CABYR: variants seen among roughly 807,000 people sequenced by gnomAD.
CABYR encodes calcium-binding tyrosine phosphorylation-regulated protein.
CABYR carries 31 observed loss-of-function variants against 36.1 expected under a neutral mutation model. The observed-to-expected ratio is 0.86, with a 90% CI of 0.64 to 1.16. CABYR has a LOEUF of 1.16. CABYR is among the 50% of genes most tolerant of loss of function. The pLI is 0.00. For missense variants in CABYR, 429 were observed against 455.8 expected (o/e 0.94, Z 0.53); for synonymous variants, 146 against 160.7 (o/e 0.91, Z 0.69).
intron 4 of CABYR, among the ~76,000 whole-genome samples, chr18:24,157,652 C>A (rs1599397931): frequency 2.0e-5 from 3 of 152,208 alleles, no homozygotes; most frequent in Admixed American, 2.0e-4. Flanking sequence ...GCAATAGATG[C>A]AGTTCACGTA....
At chr18:24,155,213 A>AG in intron 3 of CABYR, among the ~76,000 whole-genome samples, 1 of 152,092 alleles carries the variant, frequency 6.6e-6, no homozygotes, top group Non-Finnish European at 1.5e-5. Context: ...TTTGATCAGG[A>AG]GCTTTTTCCA....
At chr18:24,154,412 G>C (rs1488145125) in intron 3 of CABYR, among the ~76,000 whole-genome samples, 1 of 152,214 alleles carries the variant, frequency 6.6e-6, no homozygotes, top group Non-Finnish European at 1.5e-5. Flanking sequence ...ATTGTTCTAA[G>C]CAGAGGGAGG....
intron 3 of CABYR, among the ~76,000 whole-genome samples, chr18:24,146,282 TA>T (rs1286065534): frequency 6.6e-6 from 1 of 152,096 alleles, no homozygotes; most frequent in African/African-American, 2.4e-5. Context: ...CTGCAAACTA[TA>T]AAATTATATG....
At chr18:24,157,025 C>A (rs2085809296) in intron 4 of CABYR, 2 of 1,545,016 alleles carry the variant, frequency 1.3e-6, no homozygotes, top group African/African-American at 1.4e-5. Context: ...ATTTCCATTA[C>A]AAATTGCATT....
chr18:24,139,857 A>G (rs946470092), intron 1 of CABYR: 1 of 151,878 alleles, frequency 6.6e-6, no homozygotes, highest in Admixed American at 6.6e-5. Context: ...CACCTTTGGT[A>G]GCACCAACTG....
At chr18:24,148,934 AG>A (rs1190761216) in intron 3 of CABYR, among the ~76,000 whole-genome samples, 1 of 152,070 alleles carries the variant, frequency 6.6e-6, no homozygotes, top group Non-Finnish European at 1.5e-5. Context: ...AGGGGACTTG[AG>A]CGGGTTGCCA....
At chr18:24,157,883 C>G (rs561004562) in intron 4 of CABYR, among the ~76,000 whole-genome samples, 3 of 152,310 alleles carry the variant, frequency 2.0e-5, no homozygotes, top group African/African-American at 7.2e-5. Flanking sequence ...AGCCAACCCC[C>G]CATTCCTTTT....
At chr18:24,151,597 C>G (rs1040988592) in intron 3 of CABYR, among the ~76,000 whole-genome samples, 2 of 151,272 alleles carry the variant, frequency 1.3e-5, no homozygotes, top group African/African-American at 4.9e-5. Context: ...TATAGATTTA[C>G]ATTATATGTG....
rs1400059112 is a variant in CABYR at position 24,156,913 on chromosome 18, C to T, written c.541+871C>T. 2.5e-6 allele frequency: 4 copies of T among 1,613,978 alleles called. No individual in the cohort carries two copies. The African/African-American group carries it at 5.3e-5, about 22-fold the overall frequency. ...ACATCTGTAAAGTCATCTAGTGGCC[C>T]CTTCCCTCCTGCTCCAGAAGGCCTT... On this transcript the variant is annotated intron_variant, in intron 4 of 5. Coordinates refer to ENST00000399496, the MANE Select transcript of CABYR (RefSeq NM_153769.3).
At chr18:24,140,402 C>T (rs1044530313) in intron 1 of CABYR, 1 of 152,060 alleles carries the variant, frequency 6.6e-6, no homozygotes, top group Non-Finnish European at 1.5e-5. Context: ...CTGCGGAATC[C>T]CCACTTCTGA....
intron 4 of CABYR, 38 bp downstream of exon 4, chr18:24,156,080 G>A: frequency 6.2e-7 from 1 of 1,614,210 alleles, no homozygotes; most frequent in Non-Finnish European, 8.5e-7. Flanking sequence ...AATCTGATGT[G>A]TTAATGGTGG....
At chr18:24,150,646 A>G in intron 3 of CABYR, 1 of 777,408 alleles carries the variant, frequency 1.3e-6, no homozygotes, top group South Asian at 5.8e-5. Context: ...TCTCATTCCA[A>G]TCAGTTCAAT....
At chr18:24,145,629 G>A (rs1007695031) in intron 3 of CABYR, among the ~76,000 whole-genome samples, 1 of 152,156 alleles carries the variant, frequency 6.6e-6, no homozygotes, top group African/African-American at 2.4e-5. Context: ...CTCCTCATGT[G>A]TGGAGTAAAG....
In CABYR at chr18:24,159,541, A is replaced by C; in HGVS notation, c.611A>C (p.Asp204Ala). The change falls in exon 5 of 6, where the codon GAT becomes GCT. Residue 204 changes from aspartate (D) to alanine (A), a missense_variant. By Grantham distance (126) the Asp-to-Ala change is moderately radical. Transcript: ENST00000399496. ...SNMWTLYCLT[D>A]KNQQGHPSPP... ...ATGTGGACCCTTTATTGTCTAACTGATAAGAATCAACAAGGTCACCCATCA... is the reference window on the plus strand; with the variant it reads ...ATGTGGACCCTTTATTGTCTAACTGCTAAGAATCAACAAGGTCACCCATCA... The C allele has an allele frequency of 6.2e-7, 1 of 1,614,054 alleles. No individual in the cohort carries two copies. The highest frequency in any genetic ancestry group is 8.5e-7 in the Non-Finnish European group (1 of 1,180,006).
intron 5 of CABYR, among the ~76,000 whole-genome samples, chr18:24,161,217 A>G (rs2085971907): frequency 1.3e-5 from 2 of 152,216 alleles, no homozygotes; most frequent in Admixed American, 1.3e-4. Context: ...CAAAAGCTAG[A>G]TTTCATTCAT....
chr18:24,140,897 TAGTA>T (rs1219996146), intron 1 of CABYR, among the ~76,000 whole-genome samples: 1 of 152,224 alleles, frequency 6.6e-6, no homozygotes, highest in Non-Finnish European at 1.5e-5. Flanking sequence ...AATGGCTGAA[TAGTA>T]CTCCATTGTA....
intron 4 of CABYR, chr18:24,157,135 TA>T: frequency 4.6e-6 from 3 of 657,372 alleles, no homozygotes; most frequent in Non-Finnish European, 7.9e-6. Context: ...CAAAGCCATT[TA>T]AAGACTTTGT....
intron 3 of CABYR, among the ~76,000 whole-genome samples, chr18:24,151,324 T>TA (rs2085626892): frequency 1.3e-5 from 2 of 152,234 alleles, no homozygotes; most frequent in Admixed American, 1.3e-4. Context: ...TGCCTTTAGT[T>TA]ATGTTCCTAA....
intron 3 of CABYR, chr18:24,152,642 C>G (rs995446557): frequency 6.6e-6 from 1 of 152,072 alleles, no homozygotes; most frequent in Non-Finnish European, 1.5e-5. Context: ...TTTTAATCTT[C>G]TAGACGTAAT....
Sources: allele counts gnomAD v4.1 joint callset (sites outside exome capture counted in the v4.1 genomes callset), GRCh38; gene constraint gnomAD v4.1.1; transcripts MANE v1.5; gene names NCBI Gene and HGNC (gene_info 2026-07-23, HGNC 2026-07-21).